Variants in DENND1B observed in about 807,000 individuals in gnomAD.
The protein encoded by DENND1B is DENN domain-containing protein 1B.
A neutral mutation model predicts 90.1 loss-of-function variants in DENND1B; 59 were observed. That is an observed-to-expected ratio of 0.65 (90% CI 0.53 to 0.81). The LOEUF (loss-of-function observed/expected upper bound fraction) is 0.81, where lower values mean the gene tolerates loss of function less well. Ranked by LOEUF, DENND1B falls within the 40% of genes least tolerant of loss-of-function variation. DENND1B has a pLI of 0.00. For missense variants in DENND1B, 862 were observed against 912.6 expected, an observed-to-expected ratio of 0.94 and a Z score of 0.71; for synonymous variants, 337 against 324.6, an observed-to-expected ratio of 1.04 and a Z score of -0.41.
chr1:197,624,590 A>G (rs1429892578), intron 10 of DENND1B, among the ~76,000 whole-genome samples: 1 of 151,766 alleles, frequency 6.6e-6, no homozygotes, highest in African/African-American at 2.4e-5. Flanking sequence ...TAAAACTGGA[A>G]ACTCTAAAAA....
At chr1:197,614,461 C>T (rs1677459431) in intron 11 of DENND1B, among the ~76,000 whole-genome samples, 1 of 150,920 alleles carries the variant, frequency 6.6e-6, no homozygotes, top group African/African-American at 2.4e-5. Flanking sequence ...CCTTAAATTT[C>T]CTAATTAGAT....
chr1:197,749,796 C>A (rs1268297686), intron 2 of DENND1B, among the ~76,000 whole-genome samples: 2 of 151,964 alleles, frequency 1.3e-5, no homozygotes, highest in Non-Finnish European at 2.9e-5. Flanking sequence ...GATTCTCTTA[C>A]TTAATAATTT....
At chr1:197,555,916 C>T (rs1251575935) in intron 15 of DENND1B, among the ~76,000 whole-genome samples, 1 of 151,948 alleles carries the variant, frequency 6.6e-6, no homozygotes, top group Non-Finnish European at 1.5e-5. Context: ...TATGTTTATC[C>T]CGGCACTATT....
At chr1:197,531,345 G>A (rs1272822645) in intron 20 of DENND1B, among the ~76,000 whole-genome samples, 2 of 151,634 alleles carry the variant, frequency 1.3e-5, no homozygotes, top group African/African-American at 4.9e-5. Context: ...GGTCCCTGCA[G>A]AAATTTGCCT....
At chr1:197,557,861 A>C (rs948628601) in intron 15 of DENND1B, among the ~76,000 whole-genome samples, 1 of 151,904 alleles carries the variant, frequency 6.6e-6, no homozygotes, top group Non-Finnish European at 1.5e-5. Flanking sequence ...AAAAGAGATA[A>C]GAAAATTTTT....
At chr1:197,629,450 TCTCA>T (rs1363190687) in intron 10 of DENND1B, among the ~76,000 whole-genome samples, 2 of 145,810 alleles carry the variant, frequency 1.4e-5, no homozygotes, top group Non-Finnish European at 3.0e-5. Context: ...CACCGCATGT[TCTCA>T]CTCATAGGTG....
In DENND1B at chr1:197,775,191, C is replaced by T; in HGVS notation, c.-36G>A. 3 of 1,263,840 alleles carry T rather than the reference C, an allele frequency of 2.4e-6. No homozygotes were observed. The highest frequency in any genetic ancestry group is 3.3e-5 in the East Asian group (1 of 30,358). The allele number at this position is 1,263,840 out of a possible 1,614,324, so 78.3% of individuals were successfully genotyped here. On this transcript the variant is annotated 5_prime_UTR_variant, in exon 1 of 23. Transcript: ENST00000620048. ...CGGTGTGGGGCTGTCCGTCCGGCCC[C>T]CGCGCGCTGGCCTGGAAGCCCGCAG...
chr1:197,605,819 C>A (rs893877398), intron 13 of DENND1B: 1 of 151,046 alleles, frequency 6.6e-6, no homozygotes, highest in Non-Finnish European at 1.5e-5. Context: ...TCAAGGTCAG[C>A]AAGTATTTTA....
Position 197,647,121 on chromosome 1 carries a change from A to C in DENND1B, c.448-7T>G, listed in dbSNP as rs1426310254. On this transcript the variant is annotated splice_polypyrimidine_tract_variant and splice_region_variant and intron_variant, in intron 7 of 22. Coordinates refer to ENST00000620048, the MANE Select transcript of DENND1B (RefSeq NM_001195215.2). ...CAATAAATATCTCTTGGTTCTTATA[A>C]TACATGAGAGAAAAAAATGAATATT... 6 of 1,436,832 alleles carry C rather than the reference A, an allele frequency of 4.2e-6. No homozygotes were observed. The highest frequency in any genetic ancestry group is 5.4e-6 in the Non-Finnish European group (6 of 1,101,570). The allele number at this position is 1,436,832 out of a possible 1,614,324, so 89.0% of individuals were successfully genotyped here. A position where few individuals can be genotyped will look rare whatever the true frequency, so the allele number is the denominator to read the frequency against.
chr1:197,558,696 A>G (rs1428177278), intron 15 of DENND1B, among the ~76,000 whole-genome samples: 2 of 151,870 alleles, frequency 1.3e-5, no homozygotes, highest in Non-Finnish European at 2.9e-5. Flanking sequence ...ACAGGTTACA[A>G]GATAAATATT....
At chr1:197,657,601 A>C (rs569152393) in intron 6 of DENND1B, among the ~76,000 whole-genome samples, 1 of 152,320 alleles carries the variant, frequency 6.6e-6, no homozygotes, top group East Asian at 1.9e-4. Context: ...TATTGGCAAG[A>C]TTGTGAGGGA....
chr1:197,661,087 T>C (rs1430980169), intron 5 of DENND1B, among the ~76,000 whole-genome samples: 1 of 152,056 alleles, frequency 6.6e-6, no homozygotes, highest in Admixed American at 6.6e-5. Flanking sequence ...GTGACACATC[T>C]GTGACAGTTT....
At chr1:197,610,996 C>T (rs1042459649) in intron 12 of DENND1B, among the ~76,000 whole-genome samples, 2 of 150,774 alleles carry the variant, frequency 1.3e-5, no homozygotes, top group Non-Finnish European at 3.0e-5. Context: ...GGGCGTGACT[C>T]TTTCCCAATA....
Position 197,510,828 on chromosome 1 carries a change from T to C in DENND1B, c.1960A>G (p.Ser654Gly). 1.9e-6 allele frequency: 3 copies of C among 1,612,174 alleles called. No homozygotes were observed. The highest frequency in any genetic ancestry group is 2.5e-6 in the Non-Finnish European group (3 of 1,178,984). The change falls in exon 23 of 23, where the codon AGT (serine) becomes GGT (glycine). Residue 654 changes from serine to glycine, a missense_variant. Coordinates refer to ENST00000620048, the MANE Select transcript of DENND1B (RefSeq NM_001195215.2). ...PPSPRKRVSS[S>G]GLTDSLFILK... ...ATAAACAGAGAATCTGTCAAACCAC[T>C]AGAGGAAACCCGCTTCCTAGGAGAT... is the stretch of plus-strand genomic sequence containing the variant.
chr1:197,639,618 T>C (rs777803189), intron 10 of DENND1B, among the ~76,000 whole-genome samples: 2 of 152,162 alleles, frequency 1.3e-5, no homozygotes, highest in African/African-American at 2.4e-5. Flanking sequence ...TTGGGCTGTA[T>C]ACTTAAAAAA....
intron 10 of DENND1B, among the ~76,000 whole-genome samples, chr1:197,630,060 G>A (rs1424641512): frequency 1.3e-5 from 2 of 152,216 alleles, no homozygotes; most frequent in East Asian, 1.9e-4. Context: ...AAATGCTGAT[G>A]AAGATGTGGA....
chr1:197,656,478 A>C (rs2125947230), intron 6 of DENND1B, among the ~76,000 whole-genome samples: 1 of 152,290 alleles, frequency 6.6e-6, no homozygotes, highest in Non-Finnish European at 1.5e-5. Context: ...TTTCAATTAA[A>C]TTGTATCAAA....
At chr1:197,666,512 A>G (rs1431665049) in intron 5 of DENND1B, among the ~76,000 whole-genome samples, 1 of 152,226 alleles carries the variant, frequency 6.6e-6, no homozygotes, top group Non-Finnish European at 1.5e-5. Context: ...GTTATCAGAA[A>G]TATGGTTAAA....
At chr1:197,666,647 C>T (rs1654961407) in intron 5 of DENND1B, among the ~76,000 whole-genome samples, 1 of 152,138 alleles carries the variant, frequency 6.6e-6, no homozygotes, top group South Asian at 2.1e-4. Flanking sequence ...AACAAAAAGG[C>T]TTTTGCCAGC....
Sources: allele counts gnomAD v4.1 joint callset (sites outside exome capture counted in the v4.1 genomes callset), GRCh38; gene constraint gnomAD v4.1.1; transcripts MANE v1.5; gene names NCBI Gene and HGNC (gene_info 2026-07-23, HGNC 2026-07-21).